ADGRL4: variants seen among roughly 807,000 people sequenced by gnomAD.
ADGRL4 encodes the protein adhesion G protein-coupled receptor L4, also known as EGF, latrophilin and seven transmembrane domain containing 1.
A neutral mutation model predicts 74.8 loss-of-function variants in ADGRL4; 90 were observed. The observed-to-expected ratio is 1.20, with a 90% CI of 1.02 to 1.43. The LOEUF (loss-of-function observed/expected upper bound fraction) is 1.43. ADGRL4 is among the 40% of genes most tolerant of loss of function. The pLI is 0.00. For synonymous variants in ADGRL4, 311 were observed against 279.2 expected, an observed-to-expected ratio of 1.11 and a Z score of -1.14; for missense variants, 881 against 814.3, an observed-to-expected ratio of 1.08 and a Z score of -1.00.
chr1:78,997,701 T>C lies in ADGRL4; in HGVS notation c.172+7369A>G, dbSNP rs562825708. Among the ~76,000 whole-genome samples the C allele has an allele frequency of 1.2e-4, 18 of 152,278 alleles. No homozygotes were observed. In the South Asian group the frequency reaches 3.5e-3, roughly 30 times the overall value. ...TTCTATTTATTCATCTAGGTGTTTA[T>C]ATTGTTCACTTTTCCTCAATGACTG... On this transcript the variant is annotated intron_variant, in intron 2 of 14. Transcript: ENST00000370742.
At chr1:78,973,813 T>G (rs1650223809) in intron 2 of ADGRL4, among the ~76,000 whole-genome samples, 1 of 152,040 alleles carries the variant, frequency 6.6e-6, no homozygotes, top group African/African-American at 2.4e-5. Flanking sequence ...TTTCTTTTCT[T>G]ATATACTCTT....
At chr1:78,942,214 CAA>C (rs1397404981) in intron 3 of ADGRL4, among the ~76,000 whole-genome samples, 2 of 145,288 alleles carry the variant, frequency 1.4e-5, no homozygotes, top group Non-Finnish European at 1.5e-5. Context: ...CCTTCTAATC[CAA>C]AAGAGTTCTA....
chr1:78,958,804 T>C (rs1649884701), intron 2 of ADGRL4, among the ~76,000 whole-genome samples: 1 of 152,220 alleles, frequency 6.6e-6, no homozygotes. Context: ...TAAAGTGCTA[T>C]CAAATAGCAT....
intron 2 of ADGRL4, among the ~76,000 whole-genome samples, chr1:78,990,252 T>TCTAA: frequency 6.6e-6 from 1 of 151,968 alleles, no homozygotes; most frequent in South Asian, 2.1e-4. Flanking sequence ...AATTGTACTC[T>TCTAA]CTAAGTGTGT....
chr1:78,914,418 T>C (rs1320958397), intron 12 of ADGRL4, among the ~76,000 whole-genome samples: 1 of 151,862 alleles, frequency 6.6e-6, no homozygotes, highest in Non-Finnish European at 1.5e-5. Context: ...ACGGTGAACT[T>C]AATCATACGG....
At position 78,917,984 on chromosome 1, in the gene ADGRL4, T is replaced by C. The variant is rs747509618; in HGVS notation, c.1528A>G (p.Ile510Val). 2 of 1,612,144 alleles carry C rather than the reference T, an allele frequency of 1.2e-6. No homozygotes were observed. Among genetic ancestry groups the C allele is most frequent in the East Asian group, 2.2e-5 (1 of 44,778 alleles). The change falls in exon 11 of 15, where the codon ATT (isoleucine) becomes GTT (valine). Residue 510 changes from isoleucine (I) to valine (V), a missense_variant. Physicochemically the swap from Ile to Val is conservative, Grantham distance 29. Coordinates refer to ENST00000370742, the MANE Select transcript of ADGRL4 (RefSeq NM_022159.4). ...ATGAGATAGAGATGTATGCCTTCAA[T>C]GCACATCCATGCAAAAGCAGCTAAA... ...FFLAAFAWMC[I>V]EGIHLYLIVV...
At chr1:78,908,041 G>C (rs555061535) in intron 12 of ADGRL4, among the ~76,000 whole-genome samples, 1 of 152,090 alleles carries the variant, frequency 6.6e-6, no homozygotes, top group African/African-American at 2.4e-5. Context: ...CACGCAGACT[G>C]TCCATTCTCT....
chr1:78,954,072 G>A (rs771394540), intron 2 of ADGRL4, among the ~76,000 whole-genome samples: 15 of 152,130 alleles, frequency 9.9e-5, no homozygotes, highest in Non-Finnish European at 2.1e-4. Context: ...CTTGAACCTG[G>A]GAGGTGGAGG....
chr1:78,908,646 A>G (rs924796362), intron 12 of ADGRL4, among the ~76,000 whole-genome samples: 2 of 152,128 alleles, frequency 1.3e-5, no homozygotes, highest in African/African-American at 2.4e-5. Flanking sequence ...TCTAATGACT[A>G]TCTTGCTTTA....
At chr1:78,972,045 G>A (rs112089031) in intron 2 of ADGRL4, among the ~76,000 whole-genome samples, 9 of 152,208 alleles carry the variant, frequency 5.9e-5, no homozygotes, top group Admixed American at 3.3e-4. Context: ...GTGCACCACC[G>A]TGCCCGGCCA....
intron 2 of ADGRL4, among the ~76,000 whole-genome samples, chr1:78,984,516 T>C (rs1266888343): frequency 6.6e-6 from 1 of 151,744 alleles, no homozygotes; most frequent in Non-Finnish European, 1.5e-5. Flanking sequence ...AATCTTGACA[T>C]GACAGCAGTC....
intron 8 of ADGRL4, among the ~76,000 whole-genome samples, chr1:78,925,917 A>G (rs1402636833): frequency 2.0e-5 from 3 of 152,094 alleles, no homozygotes; most frequent in Non-Finnish European, 4.4e-5. Context: ...TTTTGCATTT[A>G]GCATCTAAAA....
Position 78,936,305 on chromosome 1 carries a change from A to G in ADGRL4, c.867T>C (p.Tyr289=). 1.3e-6 allele frequency: 2 copies of G among 1,593,324 alleles called. No individual in the cohort carries two copies. Among genetic ancestry groups the G allele is most frequent in the Non-Finnish European group, 1.7e-6 (2 of 1,172,570 alleles). Residue 289 remains tyrosine (Y), a synonymous_variant, in exon 7 of 15, where the codon TAT becomes TAC. Transcript: ENST00000370742. ...TTGTTAAAGTCCTACCATTTGAATC[A>G]TATGCAGCTTTTCTCTTTGGAAATA... ...INIFPKRKAA[Y]DSNGNVAVAF...
In ADGRL4 at chr1:78,891,566, C is replaced by T. The variant is rs779288246; in HGVS notation, c.1968G>A (p.Gln656=). ...AYLFTVSNAF[Q]GMFIFLFLCV... is the part of the protein sequence containing the mutation. ...ACAGGAATAAAAAAATGAACATCCC[C>T]TGGAAAGCATTGCTGACTGTGAAGA... Residue 656 remains glutamine, a synonymous_variant, in exon 14 of 15, where the codon CAG becomes CAA. Transcript: ENST00000370742. 4 of 1,613,278 alleles carry T rather than the reference C, an allele frequency of 2.5e-6. No homozygotes were observed. In the African/African-American group the frequency reaches 4.0e-5, roughly 16 times the overall value.
chr1:78,938,889 C>A (rs542966798), intron 4 of ADGRL4, among the ~76,000 whole-genome samples: 1 of 152,122 alleles, frequency 6.6e-6, no homozygotes, highest in Admixed American at 6.5e-5. Flanking sequence ...GGTCTAGAGT[C>A]AAAGTATCTC....
chr1:78,914,624 T>C (rs1648832280), intron 12 of ADGRL4, among the ~76,000 whole-genome samples: 1 of 136,464 alleles, frequency 7.3e-6, no homozygotes, highest in African/African-American at 2.6e-5. Context: ...AGATTTTTTT[T>C]GGTGACATAA....
At chr1:78,953,982 T>A (rs1373311173) in intron 2 of ADGRL4, among the ~76,000 whole-genome samples, 3 of 152,108 alleles carry the variant, frequency 2.0e-5, no homozygotes, top group Non-Finnish European at 4.4e-5. Flanking sequence ...ACCTCGTCTC[T>A]ACTGAAAATA....
intron 2 of ADGRL4, among the ~76,000 whole-genome samples, chr1:78,988,926 T>C (rs963489448): frequency 2.6e-5 from 4 of 151,922 alleles, no homozygotes; most frequent in African/African-American, 4.8e-5. Context: ...ATAAGCTTTA[T>C]GCCGAAGTAT....
At chr1:78,916,922 A>G (rs1557496263) in intron 12 of ADGRL4, among the ~76,000 whole-genome samples, 1 of 151,888 alleles carries the variant, frequency 6.6e-6, no homozygotes, top group Non-Finnish European at 1.5e-5. Flanking sequence ...TGCTCTTCAG[A>G]CATACAAAAA....
Sources: gnomAD v4.1 joint callset for allele counts (sites outside exome capture counted in the v4.1 genomes callset) on GRCh38, gnomAD v4.1.1 for gene constraint, MANE v1.5 for transcripts, NCBI Gene and HGNC (gene_info 2026-07-23, HGNC 2026-07-21) for gene names.